TENT4B: variants seen among roughly 807,000 people sequenced by gnomAD.
TENT4B encodes the protein PAP associated domain containing 5.
A neutral mutation model predicts 75.0 loss-of-function variants in TENT4B; 10 were observed. The ratio of observed to expected loss-of-function variants is 0.13; its 90% CI spans 0.08 to 0.23. The LOEUF is 0.23. Ranked by LOEUF, TENT4B falls within the 10% of genes least tolerant of loss-of-function variation. The probability of loss-of-function intolerance (pLI) is 1.00; values close to 1 mark genes in which losing one functional copy is unlikely to be tolerated. For missense variants in TENT4B, 579 were observed against 893.8 expected, an observed-to-expected ratio of 0.65 and a Z score of 4.49; for synonymous variants, 350 against 357.7, an observed-to-expected ratio of 0.98 and a Z score of 0.24.
At chr16:50,173,790 T>G (rs1386936781) in intron 1 of TENT4B, among the ~76,000 whole-genome samples, 1 of 152,122 alleles carries the variant, frequency 6.6e-6, no homozygotes, top group Non-Finnish European at 1.5e-5. Flanking sequence ...GCCTCCTGGG[T>G]TCAAGTGATT....
Position 50,211,449 on chromosome 16 carries a change from G to T in TENT4B, c.762+3G>T, listed in dbSNP as rs765001484. On this transcript the variant is annotated splice_donor_region_variant and intron_variant, in intron 2 of 11. Transcript: ENST00000561678. ...AGGAGCTCTGGCCCAGCGCTGACGT[G>T]AGTCCCTTCCTGGGTAGCTTATGCT... The T allele has an allele frequency of 1.3e-6, 2 of 1,572,684 alleles. No individual in the cohort carries two copies. The highest frequency in any genetic ancestry group is 2.4e-5 in the South Asian group (2 of 82,086).
In TENT4B at chr16:50,233,683, TG is replaced by T. The variant is rs2150758033; in HGVS notation, c.*4357del. The stretch of plus-strand genomic sequence containing the variant: ...TTTATTTTACTGTCTCTCAGGTTTT[TG>T]GTTTTTTTAAAAAAAATGTGTTTGG... On this transcript the variant is annotated 3_prime_UTR_variant, in exon 12 of 12. Transcript: ENST00000561678. The T allele has an allele frequency of 2.1e-6, 2 of 938,758 alleles. No homozygotes were observed. Among genetic ancestry groups the T allele is most frequent in the South Asian group, 5.2e-5 (1 of 19,078 alleles). The allele number at this position is 938,758 out of a possible 1,614,324, so 58.2% of individuals were successfully genotyped here. A position where few individuals can be genotyped will look rare whatever the true frequency, so the allele number is the denominator to read the frequency against.
chr16:50,159,307 C>T (rs1340146741), intron 1 of TENT4B, among the ~76,000 whole-genome samples: 6 of 149,700 alleles, frequency 4.0e-5, no homozygotes, highest in African/African-American at 1.5e-4. Context: ...TGCAGTGGCG[C>T]GATCTTGGCT....
At chr16:50,181,253 T>G (rs2150696054) in intron 1 of TENT4B, among the ~76,000 whole-genome samples, 1 of 152,282 alleles carries the variant, frequency 6.6e-6, no homozygotes, top group South Asian at 2.1e-4. Context: ...TTTGTGGATT[T>G]AAATGTGGAG....
intron 1 of TENT4B, among the ~76,000 whole-genome samples, chr16:50,159,877 C>G (rs541674062): frequency 6.6e-6 from 1 of 152,042 alleles, no homozygotes; most frequent in East Asian, 1.9e-4. Context: ...ACTAACTTAA[C>G]TTTCTTTGTT....
intron 1 of TENT4B, among the ~76,000 whole-genome samples, chr16:50,161,833 A>G (rs954374796): frequency 1.3e-5 from 2 of 152,086 alleles, no homozygotes; most frequent in Non-Finnish European, 2.9e-5. Flanking sequence ...TTTCACATGT[A>G]TTTGTGTGTG....
chr16:50,153,887 G>A lies in TENT4B; in HGVS notation c.266G>A (p.Arg89His), dbSNP rs1480968247. The A allele has an allele frequency of 1.5e-5, 22 of 1,513,982 alleles. No homozygotes were observed. Among genetic ancestry groups the A allele is most frequent in the Non-Finnish European group, 1.8e-5 (21 of 1,138,416 alleles). The allele number at this position is 1,513,982 out of a possible 1,614,324, so 93.8% of individuals were successfully genotyped here. Reference sequence around the variant, plus strand: ...GCCGGCATGTATCGCTCCGGGGAGCGCCTGCTGGGCAGCCACGCGCTGCCC... The same window carrying A: ...GCCGGCATGTATCGCTCCGGGGAGCACCTGCTGGGCAGCCACGCGCTGCCC... ...APAGMYRSGE[R>H]LLGSHALPAE... The change falls in exon 1 of 12, where the codon CGC becomes CAC. Residue 89 changes from arginine to histidine, a missense_variant. Around this residue, in one of 7 missense-constraint regions of TENT4B, gnomAD observed 253 missense variants for 270.1 expected, o/e 0.94. Coordinates refer to ENST00000561678, the MANE Select transcript of TENT4B (RefSeq NM_001365324.3).
At chr16:50,217,735 C>G (rs1156434388) in intron 5 of TENT4B, 72 bp downstream of exon 5, 8 of 861,076 alleles carry the variant, frequency 9.3e-6, no homozygotes, top group African/African-American at 4.7e-5. Flanking sequence ...TGGTGGTGTT[C>G]TAATATTTTT....
At chr16:50,174,505 G>A (rs765229884) in intron 1 of TENT4B, among the ~76,000 whole-genome samples, 1 of 152,056 alleles carries the variant, frequency 6.6e-6, no homozygotes, top group Non-Finnish European at 1.5e-5. Flanking sequence ...GTGATATTTT[G>A]ATACATGCAT....
intron 1 of TENT4B, among the ~76,000 whole-genome samples, chr16:50,207,130 T>C (rs114534568): frequency 0.013 from 2,049 of 152,060 alleles, 56 homozygotes; most frequent in African/African-American, 0.047. Flanking sequence ...ATACTGCTTT[T>C]ATATGACTTT....
chr16:50,153,456 C>T lies in TENT4B; in HGVS notation c.-166C>T, dbSNP rs999712420. ...GACGCCGCCGGCGCCGGCCGGGCTC[C>T]CTGCGCGACCGCGCCGCCCGCGGCG... On this transcript the variant is annotated 5_prime_UTR_variant, in exon 1 of 12. Transcript: ENST00000561678. 2 of 949,732 alleles carry T rather than the reference C, an allele frequency of 2.1e-6. No homozygotes were observed. Among genetic ancestry groups the T allele is most frequent in the South Asian group, 4.8e-5 (1 of 20,700 alleles). The allele number at this position is 949,732 out of a possible 1,614,324, so 58.8% of individuals were successfully genotyped here.
intron 1 of TENT4B, among the ~76,000 whole-genome samples, chr16:50,159,294 G>C (rs1337558895): frequency 6.7e-6 from 1 of 149,612 alleles, no homozygotes; most frequent in Non-Finnish European, 1.5e-5. Context: ...GCCCAGGTTG[G>C]AGTGCAGTGG....
intron 1 of TENT4B, among the ~76,000 whole-genome samples, chr16:50,192,943 A>C (rs193194394): frequency 2.0e-5 from 3 of 152,238 alleles, no homozygotes; most frequent in East Asian, 3.9e-4. Context: ...GCATGGTGTT[A>C]TGTGCCTGTG....
intron 1 of TENT4B, among the ~76,000 whole-genome samples, chr16:50,155,051 T>C (rs2037864567): frequency 6.6e-6 from 1 of 152,130 alleles, no homozygotes; most frequent in African/African-American, 2.4e-5. Flanking sequence ...TGCTTTTCAT[T>C]CTAGGGGGTA....
At chr16:50,212,549 A>G (rs932419760) in intron 2 of TENT4B, among the ~76,000 whole-genome samples, 3 of 152,242 alleles carry the variant, frequency 2.0e-5, no homozygotes, top group Admixed American at 6.5e-5. Context: ...TTGGCAAAAC[A>G]AAGAAGTTTC....
At chr16:50,165,287 CTTT>C in intron 1 of TENT4B, among the ~76,000 whole-genome samples, 1 of 151,446 alleles carries the variant, frequency 6.6e-6, no homozygotes, top group South Asian at 2.1e-4. Flanking sequence ...TGTTTCCAGT[CTTT>C]TGTTTTTTTA....
chr16:50,230,609 A>T lies in TENT4B; in HGVS notation c.*1281A>T. 1.0e-6 allele frequency: 1 copy of T among 983,800 alleles called. No individual in the cohort carries two copies. The allele number at this position is 983,800 out of a possible 1,614,324, so 60.9% of individuals were successfully genotyped here. On this transcript the variant is annotated 3_prime_UTR_variant, in exon 12 of 12. Transcript: ENST00000561678. ...TTTTGTATTGCCTTATTAAGACCAA[A>T]TACTTCTTGTCATCCCATTCTTTAT...
At chr16:50,224,150 A>G (rs940524304) in intron 7 of TENT4B, among the ~76,000 whole-genome samples, 11 of 152,210 alleles carry the variant, frequency 7.2e-5, no homozygotes, top group African/African-American at 1.9e-4. Context: ...CCTTATAAAC[A>G]TTAATAGTTC....
At chr16:50,190,423 C>T (rs917954293) in intron 1 of TENT4B, among the ~76,000 whole-genome samples, 3 of 151,960 alleles carry the variant, frequency 2.0e-5, no homozygotes, top group South Asian at 2.1e-4. Context: ...AGTTTCAGAA[C>T]GTTTTTGCCC....
Sources: gnomAD v4.1 joint callset for allele counts (sites outside exome capture counted in the v4.1 genomes callset) on GRCh38, gnomAD v4.1.1 for gene constraint, gnomAD v4.1.1 regional missense constraint, MANE v1.5 for transcripts, NCBI Gene and HGNC (gene_info 2026-07-23, HGNC 2026-07-21) for gene names.